GRHL1: variants seen among roughly 807,000 people sequenced by gnomAD.
The protein encoded by GRHL1 is grainyhead like transcription factor 1.
GRHL1 carries 38 observed loss-of-function variants against 75.7 expected under a neutral mutation model. The observed-to-expected ratio is 0.50, with a 90% confidence interval of 0.39 to 0.66. The LOEUF (loss-of-function observed/expected upper bound fraction) is 0.66. Ranked by LOEUF, GRHL1 falls within the 30% of genes least tolerant of loss-of-function variation. The pLI, the probability that GRHL1 is intolerant of heterozygous loss-of-function variation, is 0.00. For synonymous variants in GRHL1, 266 were observed against 279.4 expected (o/e 0.95, Z 0.48); for missense variants, 589 against 767.5 (o/e 0.77, Z 2.75).
rs1204116765 is a variant in GRHL1, at chr2:9,968,718, C to T, written c.1110+3337C>T. ...GAGCTGAGGGGAGGGGTGCATACAG[C>T]GAGATGGGAGAAAGATACACATAGA... is the stretch of plus-strand genomic sequence containing the variant. On this transcript the variant is annotated intron_variant, in intron 8 of 15. Transcript: ENST00000324907. This position sits in a 1 kb window ranked among gnomAD's most constrained non-coding sequence, Gnocchi z 4.7. Among the ~76,000 whole-genome samples, 1 of 152,122 alleles carries T rather than the reference C, an allele frequency of 6.6e-6. No individual in the cohort carries two copies. Among genetic ancestry groups the T allele is most frequent in the African/African-American group, 2.4e-5 (1 of 41,432 alleles).
At chr2:9,966,393 G>T (rs1450484016) in intron 8 of GRHL1, 16 of 143,640 alleles carry the variant, frequency 1.1e-4, no homozygotes, top group African/African-American at 3.9e-4. Context: ...GTGAGACCCT[G>T]TCCCCCCCAA....
intron 8 of GRHL1, among the ~76,000 whole-genome samples, chr2:9,983,932 G>A (rs532370514): frequency 4.6e-5 from 7 of 152,002 alleles, no homozygotes; most frequent in African/African-American, 1.4e-4. Context: ...CGAGGTGGGC[G>A]GATCATGAGG....
intron 7 of GRHL1, 45 bp from the exon 8 acceptor site, chr2:9,965,242 C>T (rs771699871): frequency 1.0e-6 from 1 of 995,904 alleles, no homozygotes; most frequent in Non-Finnish European, 1.6e-6. Flanking sequence ...CATGTTGAAA[C>T]TAAGACTCAT....
chr2:9,998,603 T>C lies in GRHL1; in HGVS notation c.1678-362T>C, dbSNP rs1219969588. On this transcript the variant is annotated intron_variant, in intron 14 of 15. Transcript: ENST00000324907. ...ATATGTACATATATATGTACACATATATATATACATATATATGTACACATA... is the reference window on the plus strand; with the variant it reads ...ATATGTACATATATATGTACACATACATATATACATATATATGTACACATA... Among the ~76,000 whole-genome samples, 9 of 55,380 alleles carry C rather than the reference T, an allele frequency of 1.6e-4. 1 individual carries two copies. Among genetic ancestry groups the C allele is most frequent in the East Asian group, 7.3e-4 (2 of 2,728 alleles). The allele number at this position is 55,380 out of a possible 152,430, so 36.3% of individuals were successfully genotyped here.
chr2:9,979,393 C>T (rs1048111185), intron 8 of GRHL1, among the ~76,000 whole-genome samples: 1 of 151,834 alleles, frequency 6.6e-6, no homozygotes, highest in Admixed American at 6.6e-5. Flanking sequence ...CACCACCATG[C>T]CCAGCTAATT....
intron 8 of GRHL1, among the ~76,000 whole-genome samples, chr2:9,973,246 G>A (rs556930972): frequency 8.2e-4 from 125 of 152,314 alleles, no homozygotes; most frequent in Non-Finnish European, 1.5e-3. Context: ...GAGCAGGCGT[G>A]TTGGGGTTCT....
intron 7 of GRHL1, chr2:9,964,575 A>C (rs1254967948): frequency 2.4e-6 from 1 of 421,988 alleles, no homozygotes; most frequent in African/African-American, 2.0e-5. Context: ...ACAGGACACT[A>C]GGGCCAGAAG....
At chr2:9,996,444 G>T (rs1292591151) in intron 14 of GRHL1, 43 bp downstream of exon 14, 1 of 1,212,800 alleles carries the variant, frequency 8.2e-7, no homozygotes, top group Non-Finnish European at 1.2e-6. Flanking sequence ...AAAATGAAAG[G>T]ACAAGTACAT....
chr2:9,964,265 A>G lies in GRHL1; in HGVS notation c.934A>G (p.Lys312Glu). ...SVIMVVFAED[K>E]SREDQLRHWK... is the part of the protein sequence containing the mutation. Reference sequence around the variant, plus strand: ...GATCATGGTGGTTTTTGCTGAAGACAAAAGCAGAGAAGATCAGTTAAGGCA... The same window carrying G: ...GATCATGGTGGTTTTTGCTGAAGACGAAAGCAGAGAAGATCAGTTAAGGCA... The change falls in exon 7 of 16, where the codon AAA becomes GAA. Residue 312 changes from lysine to glutamate, a missense_variant. By Grantham distance (56) the Lys-to-Glu change is moderately conservative. This residue lies in a region of GRHL1 where 362 missense variants were observed against 461.8 expected (regional missense o/e 0.78). Transcript: ENST00000324907. 1 of 1,611,932 alleles carries G rather than the reference A, an allele frequency of 6.2e-7. No individual in the cohort carries two copies. Among genetic ancestry groups the G allele is most frequent in the Non-Finnish European group, 8.5e-7 (1 of 1,178,314 alleles).
intron 3 of GRHL1, 167 bp from the exon 4 acceptor site, chr2:9,960,879 C>A: frequency 1.8e-6 from 1 of 548,444 alleles, no homozygotes; most frequent in Non-Finnish European, 3.2e-6. Flanking sequence ...GACCGATAAC[C>A]AGAAAGCCTT....
chr2:9,975,554 A>G (rs1667911782), intron 8 of GRHL1, among the ~76,000 whole-genome samples: 2 of 152,266 alleles, frequency 1.3e-5, no homozygotes, highest in Non-Finnish European at 1.5e-5. Flanking sequence ...TACCCAGATG[A>G]CCTAGGAGTT....
At chr2:9,980,001 T>G (rs909698363) in intron 8 of GRHL1, among the ~76,000 whole-genome samples, 5 of 152,340 alleles carry the variant, frequency 3.3e-5, no homozygotes, top group Middle Eastern at 3.4e-3. Context: ...GTTAGCAAGC[T>G]TTACTGGAAT....
At chr2:9,997,204 T>C (rs149197521) in intron 14 of GRHL1, among the ~76,000 whole-genome samples, 43 of 152,318 alleles carry the variant, frequency 2.8e-4, no homozygotes, top group African/African-American at 9.4e-4. Context: ...ACTGGAGTTA[T>C]GCGCGTCAGT....
At chr2:9,963,500 A>T (rs1485899168) in intron 5 of GRHL1, among the ~76,000 whole-genome samples, 1 of 152,204 alleles carries the variant, frequency 6.6e-6, no homozygotes, top group Non-Finnish European at 1.5e-5. Flanking sequence ...TACAAGTAGG[A>T]ACAACAAAAA....
At chr2:9,972,596 A>G (rs1667774147) in intron 8 of GRHL1, among the ~76,000 whole-genome samples, 1 of 152,166 alleles carries the variant, frequency 6.6e-6, no homozygotes, top group South Asian at 2.1e-4. Context: ...TGTAAATGAA[A>G]GAGAACTTCT....
intron 8 of GRHL1, chr2:9,965,600 A>G: frequency 1.9e-6 from 1 of 521,004 alleles, no homozygotes; most frequent in South Asian, 3.0e-5. Context: ...CATTGAGATT[A>G]AGTTGCACTC....
intron 5 of GRHL1, 32 bp from the exon 6 acceptor site, chr2:9,963,853 AT>A: frequency 6.5e-7 from 1 of 1,546,898 alleles, no homozygotes; most frequent in Non-Finnish European, 8.9e-7. Flanking sequence ...ACGAGAGTAG[AT>A]TTAGAGACCT....
At chr2:9,975,110 G>A (rs925695006) in intron 8 of GRHL1, among the ~76,000 whole-genome samples, 1 of 152,206 alleles carries the variant, frequency 6.6e-6, no homozygotes, top group African/African-American at 2.4e-5. Flanking sequence ...AGTCCGAGGA[G>A]GTGCTTTCAC....
chr2:9,955,835 C>T (rs114654696), intron 2 of GRHL1, among the ~76,000 whole-genome samples: 2 of 152,372 alleles, frequency 1.3e-5, no homozygotes, highest in East Asian at 1.9e-4. Flanking sequence ...GCATACCGCT[C>T]TCCTTCTGGA....
Sources: gnomAD v4.1 joint callset for allele counts (sites outside exome capture counted in the v4.1 genomes callset) on GRCh38, gnomAD v4.1.1 for gene constraint, gnomAD v4.1.1 regional missense constraint, Gnocchi (gnomAD v3.1) non-coding constraint, MANE v1.5 for transcripts, NCBI Gene and HGNC (gene_info 2026-07-23, HGNC 2026-07-21) for gene names.